The following NTN1 variants were observed in gnomAD, a reference collection of about 807,000 sequenced individuals.
NTN1 encodes the protein netrin 1, also known as netrin-1.
A neutral mutation model predicts 54.2 loss-of-function variants in NTN1; 11 were observed. The ratio of observed to expected loss-of-function variants is 0.20; its 90% confidence interval spans 0.13 to 0.34. The LOEUF is 0.34. NTN1 is among the 10% of genes least tolerant of loss of function. NTN1 has a pLI of 1.00. For missense variants in NTN1, 740 were observed against 893.1 expected (o/e 0.83, Z 2.18); for synonymous variants, 371 against 382.0 (o/e 0.97, Z 0.33).
rs779408192 is a variant in NTN1, at chr17:9,179,911, G to A, written c.1312G>A (p.Ala438Thr). 2.2e-5 allele frequency: 36 copies of A among 1,613,856 alleles called. No individual in the cohort carries two copies. In the Middle Eastern group the frequency reaches 4.9e-4, roughly 22 times the overall value. The change falls in exon 4 of 7, where the codon GCC (alanine) becomes ACC (threonine). Residue 438 changes from alanine (A) to threonine (T), a missense_variant. Coordinates refer to ENST00000173229, the MANE Select transcript of NTN1 (RefSeq NM_004822.3). ...GACGGGTATCACCTGCAACCGCTGC[G>A]CCAAAGGCTACCAGCAGAGCCGCTC... Reference protein sequence around the residue: ...GVTGITCNRCAKGYQQSRSPI... With the variant: ...GVTGITCNRCTKGYQQSRSPI...
chr17:9,137,220 G>A (rs567392017), intron 2 of NTN1, among the ~76,000 whole-genome samples: 4 of 152,128 alleles, frequency 2.6e-5, no homozygotes, highest in South Asian at 2.1e-4. Flanking sequence ...TTCATGCATC[G>A]TCTCCCACTC....
intron 2 of NTN1, among the ~76,000 whole-genome samples, chr17:9,037,259 G>A (rs913455924): frequency 2.0e-5 from 3 of 152,066 alleles, no homozygotes; most frequent in Non-Finnish European, 4.4e-5. Context: ...TTATTTCCTT[G>A]TAAATAGTCT....
At chr17:9,055,419 G>A (rs1343412655) in intron 2 of NTN1, among the ~76,000 whole-genome samples, 1 of 152,226 alleles carries the variant, frequency 6.6e-6, no homozygotes, top group African/African-American at 2.4e-5. Context: ...AGTAAAAGAA[G>A]TGATGAGAAC....
At chr17:9,073,986 G>A (rs955350184) in intron 2 of NTN1, among the ~76,000 whole-genome samples, 5 of 152,200 alleles carry the variant, frequency 3.3e-5, no homozygotes, top group African/African-American at 1.2e-4. Context: ...GAAGATGCTC[G>A]ATTCTTGTTG....
Position 9,023,220 on chromosome 17 carries a change from G to A in NTN1, c.847G>A (p.Gly283Ser), listed in dbSNP as rs755758763. Residue 283 changes from glycine to serine, a missense_variant, in exon 2 of 7, where the codon GGC becomes AGC. Coordinates refer to ENST00000173229, the MANE Select transcript of NTN1 (RefSeq NM_004822.3). ...CGCGGTGTCCGACCTGCAGGTGGGC[G>A]GCCGGTGCAAGTGCAACGGCCACGC... ...FYAVSDLQVG[G>S]RCKCNGHAAR... 1.3e-6 allele frequency: 2 copies of A among 1,561,936 alleles called. No homozygotes were observed. Among genetic ancestry groups the A allele is most frequent in the South Asian group, 2.3e-5 (2 of 86,120 alleles).
chr17:9,034,842 G>A (rs1357946596), intron 2 of NTN1, among the ~76,000 whole-genome samples: 3 of 152,164 alleles, frequency 2.0e-5, no homozygotes, highest in African/African-American at 7.2e-5. Flanking sequence ...ACCAGCACCC[G>A]CATCAAGAAC....
chr17:9,107,767 G>A (rs573548497), intron 2 of NTN1, among the ~76,000 whole-genome samples: 123 of 152,316 alleles, frequency 8.1e-4, no homozygotes, highest in Non-Finnish European at 1.2e-3. Flanking sequence ...AGCTGCTTTC[G>A]CACTGCAATG....
rs188986093 is a variant in NTN1, at chr17:9,118,389, G to A, written c.1019-44424G>A. On this transcript the variant is annotated intron_variant, in intron 2 of 6. Coordinates refer to ENST00000173229, the MANE Select transcript of NTN1 (RefSeq NM_004822.3). ...AAAAATTAACCGGGCGTGGTGGTGC[G>A]CACCTGTAGTCCCAGCTATCCGGGA... 4.2e-3 allele frequency among the ~76,000 whole-genome samples: 636 copies of A among 152,160 alleles called. 6 individuals are homozygous for A. Among genetic ancestry groups the A allele is most frequent in the Admixed American group, 0.016 (243 of 15,276 alleles).
intron 2 of NTN1, among the ~76,000 whole-genome samples, chr17:9,059,946 G>A (rs942019743): frequency 2.6e-5 from 4 of 152,122 alleles, no homozygotes; most frequent in African/African-American, 9.7e-5. Flanking sequence ...CCCAGGGAGG[G>A]GAGGGTCACA....
chr17:9,063,553 G>GT (rs61296086), intron 2 of NTN1, among the ~76,000 whole-genome samples: 7,373 of 144,722 alleles, frequency 0.051, 517 homozygotes, highest in African/African-American at 0.16. Context: ...GCAGAGCAAA[G>GT]TTTTTTTTTT....
At chr17:9,231,298 G>T (rs1028241480) in intron 6 of NTN1, among the ~76,000 whole-genome samples, 14 of 104,372 alleles carry the variant, frequency 1.3e-4, no homozygotes, top group Non-Finnish European at 3.0e-4. Flanking sequence ...GGGTACCCGG[G>T]GGGGGACCCC....
chr17:9,145,513 G>A (rs562185292), intron 2 of NTN1, among the ~76,000 whole-genome samples: 1 of 152,330 alleles, frequency 6.6e-6, no homozygotes, highest in South Asian at 2.1e-4. Flanking sequence ...CTTCTGAGCA[G>A]AGTGGGCCAG....
At chr17:9,155,034 G>T (rs1427223775) in intron 2 of NTN1, among the ~76,000 whole-genome samples, 1 of 152,170 alleles carries the variant, frequency 6.6e-6, no homozygotes, top group Non-Finnish European at 1.5e-5. Context: ...TACAGTTGGG[G>T]CAGCGCTGGC....
At chr17:9,055,043 C>T (rs1364043804) in intron 2 of NTN1, among the ~76,000 whole-genome samples, 1 of 152,130 alleles carries the variant, frequency 6.6e-6, no homozygotes, top group Non-Finnish European at 1.5e-5. Context: ...AAATGGCGAA[C>T]AGAGCGCCTC....
chr17:9,032,615 C>G (rs2091891380), intron 2 of NTN1, among the ~76,000 whole-genome samples: 1 of 152,214 alleles, frequency 6.6e-6, no homozygotes. Context: ...AAGAATAGTT[C>G]CAATCCCAGC....
intron 2 of NTN1, among the ~76,000 whole-genome samples, chr17:9,112,944 G>A (rs567166991): frequency 1.1e-4 from 16 of 151,906 alleles, no homozygotes; most frequent in East Asian, 9.6e-4. Flanking sequence ...GATACGATTC[G>A]TTCAGGTAAG....
intron 2 of NTN1, among the ~76,000 whole-genome samples, chr17:9,162,287 C>A (rs994319476): frequency 1.3e-5 from 2 of 152,180 alleles, no homozygotes; most frequent in Non-Finnish European, 2.9e-5. Flanking sequence ...GGGCTGGGGG[C>A]TGAAACGCTA....
In NTN1 at chr17:9,090,190, T is replaced by C. The variant is rs982713014; in HGVS notation, c.1018+66799T>C. On this transcript the variant is annotated intron_variant, in intron 2 of 6. Transcript: ENST00000173229. The stretch of plus-strand genomic sequence containing the variant: ...CTTTTTTTTTTTCTTTTTCTTTTTT[T>C]TTTTGAGATGGAGTCTCACTCTGTC... Among the ~76,000 whole-genome samples the C allele has an allele frequency of 5.9e-5, 9 of 151,566 alleles. 1 individual carries two copies. The highest frequency in any genetic ancestry group is 5.9e-5 in the Non-Finnish European group (4 of 67,878).
At chr17:9,106,654 C>T (rs2092168157) in intron 2 of NTN1, among the ~76,000 whole-genome samples, 1 of 152,224 alleles carries the variant, frequency 6.6e-6, no homozygotes, top group South Asian at 2.1e-4. Flanking sequence ...GCTGGGAGTA[C>T]AGGTGCCCAC....
Sources: gnomAD v4.1 joint callset for allele counts (sites outside exome capture counted in the v4.1 genomes callset) on GRCh38, gnomAD v4.1.1 for gene constraint, MANE v1.5 for transcripts, NCBI Gene and HGNC (gene_info 2026-07-23, HGNC 2026-07-21) for gene names.